Variants in GPR149 observed in about 807,000 individuals in gnomAD.
GPR149 encodes the protein G protein-coupled receptor 149, also known as probable G protein-coupled receptor 149.
In GPR149, 50 loss-of-function variants were observed where a neutral mutation model predicts 50.2. The ratio of observed to expected loss-of-function variants is 1.00; its 90% confidence interval spans 0.79 to 1.26. The LOEUF (loss-of-function observed/expected upper bound fraction) is 1.26. Among genes scored for constraint, GPR149 ranks in the 50% most tolerant of loss-of-function variants. The pLI is 0.00. For missense variants in GPR149, 983 were observed against 895.4 expected (o/e 1.10, Z -1.25); for synonymous variants, 405 against 358.2 (o/e 1.13, Z -1.48).
At chr3:154,341,215 T>G (rs935177744) in intron 3 of GPR149, among the ~76,000 whole-genome samples, 1 of 148,830 alleles carries the variant, frequency 6.7e-6, no homozygotes, top group Non-Finnish European at 1.5e-5. Context: ...GCTCAGTTTT[T>G]ATAGATAATA....
At chr3:154,405,326 C>T (rs550468228) in intron 3 of GPR149, among the ~76,000 whole-genome samples, 15 of 152,042 alleles carry the variant, frequency 9.9e-5, no homozygotes, top group East Asian at 1.9e-4. Context: ...TGGTGGCTCA[C>T]GCAGGTAATC....
chr3:154,376,755 C>T (rs1714800792), intron 3 of GPR149, among the ~76,000 whole-genome samples: 1 of 152,114 alleles, frequency 6.6e-6, no homozygotes, highest in Non-Finnish European at 1.5e-5. Flanking sequence ...AAAACACTCC[C>T]TCTCTTGCAC....
chr3:154,362,726 A>T (rs1207293395), intron 3 of GPR149, among the ~76,000 whole-genome samples: 2 of 152,154 alleles, frequency 1.3e-5, no homozygotes, highest in Non-Finnish European at 2.9e-5. Context: ...CAAGGCACCA[A>T]TACACTTATT....
chr3:154,386,736 G>A (rs701115), intron 3 of GPR149, among the ~76,000 whole-genome samples: 145,880 of 152,288 alleles, frequency 0.96, 69,970 homozygotes, highest in East Asian at 1. Flanking sequence ...GGACAAAAAA[G>A]GAAGCAAAAC....
At chr3:154,398,600 A>G (rs1715347672) in intron 3 of GPR149, among the ~76,000 whole-genome samples, 1 of 152,186 alleles carries the variant, frequency 6.6e-6, no homozygotes, top group East Asian at 1.9e-4. Context: ...AAAGAAAGAA[A>G]CAACAACAAC....
At chr3:154,390,475 G>C (rs1280422889) in intron 3 of GPR149, among the ~76,000 whole-genome samples, 2 of 151,812 alleles carry the variant, frequency 1.3e-5, no homozygotes, top group East Asian at 3.9e-4. Context: ...TCAAACAGAA[G>C]ACAGGATTAG....
rs114340400 is a variant in GPR149 at position 154,372,556 on chromosome 3, G to A, written c.1624-34285C>T. On this transcript the variant is annotated intron_variant, in intron 3 of 3. Transcript: ENST00000389740. Reference sequence around the variant, plus strand: ...TATACCAATATCTCACCTTCCAAAGGTTACTGCTATTGTTGTATTGGGGAT... The same window carrying A: ...TATACCAATATCTCACCTTCCAAAGATTACTGCTATTGTTGTATTGGGGAT... Among the ~76,000 whole-genome samples the A allele has an allele frequency of 3.2e-3, 492 of 152,178 alleles. 3 individuals carry two copies. Among genetic ancestry groups the A allele is most frequent in the African/African-American group, 0.011 (443 of 41,532 alleles).
At chr3:154,380,918 G>A (rs1298820092) in intron 3 of GPR149, among the ~76,000 whole-genome samples, 2 of 152,076 alleles carry the variant, frequency 1.3e-5, no homozygotes, top group East Asian at 1.9e-4. Flanking sequence ...TTTATTTTTT[G>A]AATCCAGCAG....
chr3:154,421,573 C>T, intron 2 of GPR149, 86 bp from the exon 3 acceptor site: 1 of 636,590 alleles, frequency 1.6e-6, no homozygotes, highest in Non-Finnish European at 2.5e-6. Flanking sequence ...AAATAGAAAG[C>T]GCATTCAACT....
intron 3 of GPR149, among the ~76,000 whole-genome samples, chr3:154,387,973 A>G (rs1456217161): frequency 6.6e-6 from 1 of 152,196 alleles, no homozygotes; most frequent in Non-Finnish European, 1.5e-5. Flanking sequence ...TATTTTTTTA[A>G]TGTGTGGGGA....
At chr3:154,394,230 G>C (rs1715237168) in intron 3 of GPR149, among the ~76,000 whole-genome samples, 1 of 152,004 alleles carries the variant, frequency 6.6e-6, no homozygotes, top group South Asian at 2.1e-4. Flanking sequence ...TGGACAAATG[G>C]AACAGAATAG....
At chr3:154,403,918 A>G (rs1456546842) in intron 3 of GPR149, among the ~76,000 whole-genome samples, 1 of 152,212 alleles carries the variant, frequency 6.6e-6, no homozygotes, top group East Asian at 1.9e-4. Context: ...GTTACTGAGT[A>G]CTTGAGCTGT....
At position 154,335,625 on chromosome 3, in the gene GPR149, C is replaced by T. The variant is rs2108380507; in HGVS notation, c.*2074G>A. ...AATGGGAATATCCTAATTATTTTTC[C>T]AATTCCCCCAGTTTAAGCCCTTGTC... On this transcript the variant is annotated 3_prime_UTR_variant, in exon 4 of 4. Transcript: ENST00000389740. 6.6e-6 allele frequency: 1 copy of T among 152,202 alleles called. No homozygotes were observed. The highest frequency in any genetic ancestry group is 2.4e-5 in the African/African-American group (1 of 41,546). 9.4% of individuals were successfully genotyped at this position (152,202 alleles called of 1,614,324 possible). A position where few individuals can be genotyped will look rare whatever the true frequency, so the allele number is the denominator to read the frequency against.
At chr3:154,378,078 TC>T (rs34317201) in intron 3 of GPR149, among the ~76,000 whole-genome samples, 2,416 of 72,462 alleles carry the variant, frequency 0.033, 65 homozygotes, top group African/African-American at 0.11. Flanking sequence ...TATTGATATA[TC>T]CCCCCCCCCT....
chr3:154,355,848 A>C (rs1714207370), intron 3 of GPR149, among the ~76,000 whole-genome samples: 1 of 152,254 alleles, frequency 6.6e-6, no homozygotes, highest in Admixed American at 6.5e-5. Flanking sequence ...TTTCATTCGT[A>C]AGACAGTTTC....
chr3:154,384,217 G>A (rs1186910464), intron 3 of GPR149, among the ~76,000 whole-genome samples: 2 of 152,112 alleles, frequency 1.3e-5, no homozygotes, highest in Non-Finnish European at 2.9e-5. Context: ...AAAGCCTCGG[G>A]TGAGATCTTA....
At chr3:154,341,329 AT>A (rs1713794727) in intron 3 of GPR149, among the ~76,000 whole-genome samples, 1 of 97,404 alleles carries the variant, frequency 1.0e-5, no homozygotes, top group African/African-American at 3.7e-5. Flanking sequence ...ATATATATAT[AT>A]ATATATATAT....
At chr3:154,386,286 C>A (rs1279586895) in intron 3 of GPR149, among the ~76,000 whole-genome samples, 1 of 152,120 alleles carries the variant, frequency 6.6e-6, no homozygotes, top group African/African-American at 2.4e-5. Context: ...CAAAGACCTG[C>A]AATTATAACT....
chr3:154,413,942 G>GTATATATATATATATA (rs3038651), intron 3 of GPR149, among the ~76,000 whole-genome samples: 3 of 147,906 alleles, frequency 2.0e-5, no homozygotes, highest in Non-Finnish European at 4.5e-5. Flanking sequence ...AGAAATTGTA[G>GTATATATATATATATA]TATATATATA....
Sources: gnomAD v4.1 joint callset for allele counts (sites outside exome capture counted in the v4.1 genomes callset) on GRCh38, gnomAD v4.1.1 for gene constraint, MANE v1.5 for transcripts, NCBI Gene and HGNC (gene_info 2026-07-23, HGNC 2026-07-21) for gene names.